Variants in DIP2C observed in about 807,000 individuals in gnomAD.
DIP2C encodes disco-interacting protein 2 homolog C.
Under a neutral mutation model 192.4 loss-of-function variants are expected in DIP2C, and 33 were observed. The ratio of observed to expected loss-of-function variants is 0.17; its 90% CI spans 0.13 to 0.23. The LOEUF is 0.23. Among genes scored for constraint, DIP2C ranks in the 10% least tolerant of loss-of-function variants. The probability of loss-of-function intolerance (pLI) is 1.00; values close to 1 mark genes in which losing one functional copy is unlikely to be tolerated. For synonymous variants in DIP2C, 979 were observed against 864.1 expected, an observed-to-expected ratio of 1.13 and a Z score of -2.33; for missense variants, 1,537 against 2,110.1, an observed-to-expected ratio of 0.73 and a Z score of 5.32.
At chr10:455,384 C>A (rs1451276083) in intron 3 of DIP2C, among the ~76,000 whole-genome samples, 2 of 102,138 alleles carry the variant, frequency 2.0e-5, no homozygotes, top group East Asian at 2.9e-4. Flanking sequence ...GAGGGGAGAC[C>A]GTGAGGAGTA....
At chr10:558,049 G>A (rs372978474) in intron 1 of DIP2C, among the ~76,000 whole-genome samples, 4 of 152,160 alleles carry the variant, frequency 2.6e-5, no homozygotes, top group Non-Finnish European at 5.9e-5. Context: ...CTTAAGAAGA[G>A]TAAGCAACAG....
chr10:649,961 G>A (rs117446301), intron 1 of DIP2C: 10,613 of 614,620 alleles, frequency 0.017, 114 homozygotes, highest in Middle Eastern at 0.047. Flanking sequence ...ACATCAAAAC[G>A]GAAAAGGAAA....
intron 24 of DIP2C, among the ~76,000 whole-genome samples, chr10:350,003 C>T (rs1958714331): frequency 1.3e-5 from 2 of 152,140 alleles, no homozygotes; most frequent in Non-Finnish European, 2.9e-5. Context: ...AAATAGAAAA[C>T]ATATTTGTGC....
intron 1 of DIP2C, among the ~76,000 whole-genome samples, chr10:681,967 G>C: frequency 6.6e-6 from 1 of 152,258 alleles, no homozygotes. Context: ...CCAAGCCTCT[G>C]CTCAGGCAAC....
chr10:599,876 G>A (rs910619029), intron 1 of DIP2C, among the ~76,000 whole-genome samples: 6 of 152,248 alleles, frequency 3.9e-5, no homozygotes, highest in South Asian at 2.1e-4. Flanking sequence ...TGCTGCCGCC[G>A]CCTCCCCAGT....
At chr10:288,981 A>G (rs1282326196) in intron 32 of DIP2C, among the ~76,000 whole-genome samples, 2 of 152,380 alleles carry the variant, frequency 1.3e-5, no homozygotes, top group East Asian at 1.9e-4. Flanking sequence ...TGCCAAGGAC[A>G]TCGCAGCAGG....
rs149933573 is a variant in DIP2C, at chr10:585,562, G to A, written c.86-99032C>T. ...TGAAGCTCCAACACTCAACTGAAGCGGGGCGAGTGAAATGATCCTGGGTAT... is the reference window on the plus strand; with the variant it reads ...TGAAGCTCCAACACTCAACTGAAGCAGGGCGAGTGAAATGATCCTGGGTAT... On this transcript the variant is annotated intron_variant, in intron 1 of 36. Transcript: ENST00000280886. 6.7e-4 allele frequency among the ~76,000 whole-genome samples: 102 copies of A among 152,272 alleles called. No individual in the cohort carries two copies. In the East Asian group the frequency reaches 0.011, roughly 17 times the overall value.
chr10:341,549 G>A (rs1287739026), intron 28 of DIP2C, among the ~76,000 whole-genome samples: 5 of 147,722 alleles, frequency 3.4e-5, no homozygotes, highest in South Asian at 2.2e-4. Flanking sequence ...TGCACTGAAC[G>A]CAAGGCTGTG....
intron 1 of DIP2C, among the ~76,000 whole-genome samples, chr10:645,298 C>T (rs1855390514): frequency 6.6e-6 from 1 of 152,140 alleles, no homozygotes; most frequent in Non-Finnish European, 1.5e-5. Flanking sequence ...TATCAGAGTA[C>T]ACCCCCTTAT....
chr10:629,641 G>A (rs369854736), intron 1 of DIP2C, among the ~76,000 whole-genome samples: 31 of 152,262 alleles, frequency 2.0e-4, no homozygotes, highest in African/African-American at 7.2e-4. Context: ...GGAGACCGCA[G>A]CTTCAATCAG....
intron 32 of DIP2C, among the ~76,000 whole-genome samples, chr10:298,946 T>C (rs1015735841): frequency 2.0e-5 from 3 of 152,236 alleles, no homozygotes; most frequent in Non-Finnish European, 4.4e-5. Flanking sequence ...TGAGTAAGAC[T>C]AGAAAGACTT....
intron 1 of DIP2C, among the ~76,000 whole-genome samples, chr10:590,865 C>G (rs1021067064): frequency 5.3e-5 from 8 of 152,190 alleles, no homozygotes; most frequent in Admixed American, 2.0e-4. Context: ...CCGCCTCCCT[C>G]CAGCAGGAGT....
chr10:588,673 G>A (rs1851229678), intron 1 of DIP2C, among the ~76,000 whole-genome samples: 1 of 152,230 alleles, frequency 6.6e-6, no homozygotes, highest in East Asian at 1.9e-4. Context: ...TGTGCTGACA[G>A]TCGTGAGGCA....
At chr10:371,246 T>C (rs1318190225) in intron 17 of DIP2C, among the ~76,000 whole-genome samples, 1 of 152,012 alleles carries the variant, frequency 6.6e-6, no homozygotes, top group African/African-American at 2.4e-5. Flanking sequence ...AGCGTGGAAG[T>C]CAGGCACTGT....
intron 6 of DIP2C, among the ~76,000 whole-genome samples, chr10:417,698 G>GTCAGGGCGCGGACAGGCCTC (rs1564684849): frequency 1.0e-5 from 1 of 96,626 alleles, no homozygotes; most frequent in Non-Finnish European, 2.2e-5. Context: ...GTCCGCCTGT[G>GTCAGGGCGCGGACAGGCCTC]CCTGTCGGCT....
intron 3 of DIP2C, among the ~76,000 whole-genome samples, chr10:471,253 ACT>A (rs760251085): frequency 5.7e-4 from 86 of 151,790 alleles, no homozygotes; most frequent in Non-Finnish European, 7.8e-4. Flanking sequence ...CATGGGTGAC[ACT>A]CTCTGAGGCC....
chr10:425,687 G>A (rs12769223), intron 4 of DIP2C, among the ~76,000 whole-genome samples: 2,615 of 152,230 alleles, frequency 0.017, 28 homozygotes, highest in African/African-American at 0.025. Context: ...CATGACCAGC[G>A]GTGACTAGAA....
chr10:324,901 C>T lies in DIP2C; in HGVS notation c.3924+2105G>A, dbSNP rs766015459. On this transcript the variant is annotated intron_variant, in intron 31 of 36. Coordinates refer to ENST00000280886, the MANE Select transcript of DIP2C (RefSeq NM_014974.3). ...TCCTGCGCTGTTTTTCTTTCATCTC[C>T]ATGTTTTGGTTCTTTTTTCACGTAT... is the stretch of plus-strand genomic sequence containing the variant. The T allele has an allele frequency of 2.6e-5, 14 of 530,492 alleles. No individual in the cohort carries two copies. The Admixed American group carries it at 2.7e-4, about 10-fold the overall frequency. The allele number at this position is 530,492 out of a possible 1,614,324, so 32.9% of individuals were successfully genotyped here.
chr10:519,651 A>G (rs1344016439), intron 1 of DIP2C, among the ~76,000 whole-genome samples: 1 of 152,264 alleles, frequency 6.6e-6, no homozygotes, highest in Non-Finnish European at 1.5e-5. Context: ...CTACACTGCC[A>G]CAGCCAGGCT....
Sources: allele counts gnomAD v4.1 joint callset (sites outside exome capture counted in the v4.1 genomes callset), GRCh38; gene constraint gnomAD v4.1.1; transcripts MANE v1.5; gene names NCBI Gene and HGNC (gene_info 2026-07-23, HGNC 2026-07-21).